The following IGSF11 variants were observed in gnomAD, a reference collection of about 807,000 sequenced individuals.
IGSF11 encodes CXADR like 1.
In IGSF11, 22 loss-of-function variants were observed where a neutral mutation model predicts 41.0. That is an observed-to-expected ratio of 0.54 (90% CI 0.38 to 0.77). The LOEUF is 0.77. Among genes scored for constraint, IGSF11 ranks in the 30% least tolerant of loss-of-function variants. The pLI is 0.00. For missense variants in IGSF11, 444 were observed against 530.8 expected (o/e 0.84, Z 1.61); for synonymous variants, 219 against 201.3 (o/e 1.09, Z -0.74).
chr3:119,049,476 C>T (rs1191828663), intron 1 of IGSF11, among the ~76,000 whole-genome samples: 1 of 152,162 alleles, frequency 6.6e-6, no homozygotes, highest in East Asian at 1.9e-4. Context: ...GAACTACAAA[C>T]CGCTGTTCAA....
intron 1 of IGSF11, among the ~76,000 whole-genome samples, chr3:119,055,584 T>TA (rs1439695524): frequency 2.0e-5 from 3 of 152,132 alleles, no homozygotes; most frequent in African/African-American, 7.2e-5. Flanking sequence ...TTAACAAGGA[T>TA]ACCCAGGAAT....
chr3:119,073,350 C>T (rs1030472287), intron 1 of IGSF11, among the ~76,000 whole-genome samples: 8 of 152,340 alleles, frequency 5.3e-5, no homozygotes, highest in South Asian at 4.1e-4. Flanking sequence ...GTGGATCCCG[C>T]GCCAGGGCCA....
At chr3:119,011,230 G>A (rs1472213276) in intron 1 of IGSF11, among the ~76,000 whole-genome samples, 4 of 152,118 alleles carry the variant, frequency 2.6e-5, no homozygotes, top group East Asian at 1.9e-4. Context: ...CATGGTGATC[G>A]TGGTGCTGGG....
chr3:118,947,510 G>A (rs1944247203), intron 1 of IGSF11: 1 of 152,064 alleles, frequency 6.6e-6, no homozygotes, highest in African/African-American at 2.4e-5. Flanking sequence ...AAATAAGAAA[G>A]AATTTATTTA....
At chr3:119,026,130 A>T (rs1939800281) in intron 1 of IGSF11, among the ~76,000 whole-genome samples, 1 of 152,142 alleles carries the variant, frequency 6.6e-6, no homozygotes, top group Non-Finnish European at 1.5e-5. Context: ...TTCTTCTTAA[A>T]AATCTTCTTA....
chr3:119,087,917 G>A (rs912649809), intron 1 of IGSF11, among the ~76,000 whole-genome samples: 1 of 152,070 alleles, frequency 6.6e-6, no homozygotes, highest in African/African-American at 2.4e-5. Flanking sequence ...GGAGCACCAA[G>A]ATTCATAAAA....
chr3:119,019,465 G>T (rs1017890213), intron 1 of IGSF11, among the ~76,000 whole-genome samples: 1 of 150,588 alleles, frequency 6.6e-6, no homozygotes, highest in South Asian at 2.1e-4. Context: ...CCAAGAATTT[G>T]CACAGCCTAA....
intron 1 of IGSF11, among the ~76,000 whole-genome samples, chr3:119,089,065 CCTGA>C (rs1402059366): frequency 6.6e-6 from 1 of 152,102 alleles, no homozygotes; most frequent in Non-Finnish European, 1.5e-5. Flanking sequence ...TAGGAGCTCT[CCTGA>C]CTAACTCTAT....
chr3:119,034,150 C>T (rs1160309569), intron 1 of IGSF11, among the ~76,000 whole-genome samples: 2 of 152,222 alleles, frequency 1.3e-5, no homozygotes, highest in Non-Finnish European at 1.5e-5. Flanking sequence ...TTCTAGTTTT[C>T]CTAGGGCCGC....
chr3:118,995,366 G>A (rs913072656), intron 1 of IGSF11, among the ~76,000 whole-genome samples: 60 of 152,254 alleles, frequency 3.9e-4, no homozygotes, highest in East Asian at 1.5e-3. Flanking sequence ...AATGATCACC[G>A]TTTAGCCCCC....
At chr3:119,107,765 T>C (rs1308776868), upstream of IGSF11, among the ~76,000 whole-genome samples, 2 of 152,162 alleles carry the variant, frequency 1.3e-5, no homozygotes, top group Non-Finnish European at 2.9e-5. Context: ...AATTTTTCTA[T>C]AAGGTGTAAG....
chr3:118,935,598 G>T (rs1315351759), intron 1 of IGSF11, among the ~76,000 whole-genome samples: 2 of 151,786 alleles, frequency 1.3e-5, no homozygotes, highest in Non-Finnish European at 2.9e-5. Flanking sequence ...CTGTAAAGAG[G>T]CTTTGTGGAG....
intron 1 of IGSF11, among the ~76,000 whole-genome samples, chr3:118,997,620 C>T (rs1023355729): frequency 2.0e-5 from 3 of 149,684 alleles, no homozygotes. Flanking sequence ...TGAATCTTAC[C>T]TGACTCTCAG....
intron 4 of IGSF11, among the ~76,000 whole-genome samples, chr3:118,907,477 A>G (rs1276078353): frequency 6.6e-6 from 1 of 152,156 alleles, no homozygotes; most frequent in East Asian, 1.9e-4. Context: ...AGCATACAGG[A>G]GGGACATCTA....
chr3:119,002,879 T>C (rs1283945461), intron 1 of IGSF11, among the ~76,000 whole-genome samples: 1 of 38,692 alleles, frequency 2.6e-5, no homozygotes, highest in Non-Finnish European at 4.5e-5. Context: ...ACTGTAGCCT[T>C]GTAGTATAGT....
chr3:119,028,473 T>C (rs1483915720), intron 1 of IGSF11, among the ~76,000 whole-genome samples: 4 of 152,156 alleles, frequency 2.6e-5, no homozygotes, highest in African/African-American at 9.7e-5. Flanking sequence ...AGTTCTAACA[T>C]ACAGGTCCCT....
intron 1 of IGSF11, among the ~76,000 whole-genome samples, chr3:118,940,832 T>A (rs9878706): frequency 6.6e-6 from 1 of 150,804 alleles, no homozygotes; most frequent in South Asian, 2.1e-4. Flanking sequence ...TCCAACAAAG[T>A]TGTCAAAGCC....
intron 1 of IGSF11, among the ~76,000 whole-genome samples, chr3:119,033,960 A>C (rs1940662543): frequency 6.6e-6 from 1 of 152,248 alleles, no homozygotes; most frequent in South Asian, 2.1e-4. Context: ...TGTATTGTTG[A>C]GAGCCAACTT....
chr3:119,064,131 A>G (rs1165072263), intron 1 of IGSF11, among the ~76,000 whole-genome samples: 1 of 152,236 alleles, frequency 6.6e-6, no homozygotes, highest in African/African-American at 2.4e-5. Context: ...ACCACAGATC[A>G]GAGACTACAA....
Sources: gnomAD v4.1 joint callset for allele counts (sites outside exome capture counted in the v4.1 genomes callset) on GRCh38, gnomAD v4.1.1 for gene constraint, MANE v1.5 for transcripts, NCBI Gene and HGNC (gene_info 2026-07-23, HGNC 2026-07-21) for gene names.